The following ADAM19 variants were observed in gnomAD, a reference collection of about 807,000 sequenced individuals.
The protein encoded by ADAM19 is disintegrin and metalloproteinase domain-containing protein 19.
A neutral mutation model predicts 114.7 loss-of-function variants in ADAM19; 65 were observed. The observed-to-expected ratio is 0.57, with a 90% confidence interval of 0.46 to 0.70. The LOEUF is 0.70. ADAM19 is among the 30% of genes least tolerant of loss of function. ADAM19 has a pLI of 0.00. For missense variants in ADAM19, 1,063 were observed against 1,204.7 expected (o/e 0.88, Z 1.74); for synonymous variants, 466 against 460.5 (o/e 1.01, Z -0.15).
At chr5:157,537,175 C>A (rs112169621) in intron 4 of ADAM19, among the ~76,000 whole-genome samples, 1 of 152,174 alleles carries the variant, frequency 6.6e-6, no homozygotes, top group Non-Finnish European at 1.5e-5. Context: ...GTCGGGGCAA[C>A]GCCATTGGTT....
intron 5 of ADAM19, among the ~76,000 whole-genome samples, chr5:157,524,421 A>G (rs1482004271): frequency 6.6e-6 from 1 of 152,232 alleles, no homozygotes; most frequent in Non-Finnish European, 1.5e-5. Flanking sequence ...GCAGGCACCA[A>G]GCAATTCATG....
chr5:157,564,118 C>T (rs1186384654), intron 3 of ADAM19, among the ~76,000 whole-genome samples: 1 of 152,222 alleles, frequency 6.6e-6, no homozygotes, highest in African/African-American at 2.4e-5. Flanking sequence ...TCTGTGTGCC[C>T]GCAGTGAACT....
intron 3 of ADAM19, among the ~76,000 whole-genome samples, chr5:157,546,099 C>T (rs1757040767): frequency 6.6e-6 from 1 of 152,240 alleles, no homozygotes; most frequent in African/African-American, 2.4e-5. Context: ...AGGTTTCCTG[C>T]CCCTCTCCTG....
chr5:157,559,074 T>C (rs1434006429), intron 3 of ADAM19, among the ~76,000 whole-genome samples: 1 of 152,224 alleles, frequency 6.6e-6, no homozygotes, highest in Non-Finnish European at 1.5e-5. Flanking sequence ...GAAGTAATGA[T>C]AGGTATTAAA....
At chr5:157,544,996 GA>G (rs1757010001) in intron 3 of ADAM19, among the ~76,000 whole-genome samples, 1 of 152,110 alleles carries the variant, frequency 6.6e-6, no homozygotes, top group African/African-American at 2.4e-5. Context: ...AATATGCTTA[GA>G]AAAAAGGGAA....
At chr5:157,498,924 T>C (rs1299123491) in intron 13 of ADAM19, among the ~76,000 whole-genome samples, 1 of 151,930 alleles carries the variant, frequency 6.6e-6, no homozygotes, top group Non-Finnish European at 1.5e-5. Context: ...TGTGTTTACA[T>C]TTTTTTTCAG....
At chr5:157,497,695 T>C (rs1356121325) in intron 13 of ADAM19, among the ~76,000 whole-genome samples, 2 of 152,156 alleles carry the variant, frequency 1.3e-5, no homozygotes, top group African/African-American at 4.8e-5. Context: ...GTGTGTGACA[T>C]ACACGTATCT....
chr5:157,523,367 A>G (rs1010989866), intron 5 of ADAM19, among the ~76,000 whole-genome samples: 5 of 152,134 alleles, frequency 3.3e-5, no homozygotes, highest in Non-Finnish European at 7.4e-5. Flanking sequence ...CTCACGGTAG[A>G]ATGTGGTCCC....
intron 3 of ADAM19, 103 bp downstream of exon 3, chr5:157,564,270 G>T: frequency 9.6e-7 from 1 of 1,036,490 alleles, no homozygotes; most frequent in Non-Finnish European, 1.5e-6. Flanking sequence ...TGAGAGCTTG[G>T]GGTCACTCCA....
At position 157,519,891 on chromosome 5, in the gene ADAM19, G is replaced by A. The variant is rs780694440; in HGVS notation, c.548C>T (p.Thr183Ile). 4.3e-6 allele frequency: 7 copies of A among 1,614,112 alleles called. No homozygotes were observed. Among genetic ancestry groups the A allele is most frequent in the Non-Finnish European group, 5.9e-6 (7 of 1,180,012 alleles). The change falls in exon 6 of 23, where the codon ACC (threonine) becomes ATC (isoleucine). Residue 183 changes from threonine to isoleucine, a missense_variant. Thr to Ile is a moderately conservative substitution (Grantham distance 89, BLOSUM62 -1). Transcript: ENST00000257527. ...NCGFEHSKPT[T>I]RDWALQFTQQ... The stretch of plus-strand genomic sequence containing the variant: ...TGTAAACTGAAGAGCCCAGTCCCTG[G>A]TGGTGGGCTTGGAGTGCTCGAACCC...
chr5:157,510,483 A>T (rs188824447), intron 8 of ADAM19, among the ~76,000 whole-genome samples: 175 of 152,370 alleles, frequency 1.1e-3, no homozygotes, highest in Middle Eastern at 6.8e-3. Context: ...AAAAAAAAAT[A>T]AAAATAAAAT....
rs539762694 is a variant in ADAM19, at chr5:157,575,241, C to T, written c.94+362G>A. 2.6e-5 allele frequency among the ~76,000 whole-genome samples: 4 copies of T among 152,260 alleles called. No individual in the cohort carries two copies. The South Asian group carries it at 8.3e-4, about 32-fold the overall frequency. The stretch of plus-strand genomic sequence containing the variant: ...GTGCAGCGGGCGGTAGAGAGAAAGA[C>T]AGAGAGAGAGGCGGAGCGGACACGA... On this transcript the variant is annotated intron_variant, in intron 1 of 22. Coordinates refer to ENST00000257527, the MANE Select transcript of ADAM19 (RefSeq NM_033274.5).
At chr5:157,491,467 C>A in intron 18 of ADAM19, 148 bp downstream of exon 18, 1 of 589,294 alleles carries the variant, frequency 1.7e-6, no homozygotes, top group Non-Finnish European at 2.8e-6. Context: ...TCGCTCCTCT[C>A]TCTTGGTCTG....
rs1449155904 is a variant in ADAM19 at position 157,478,341 on chromosome 5, G to C, written c.*2608C>G. On this transcript the variant is annotated 3_prime_UTR_variant, in exon 23 of 23. Transcript: ENST00000257527. Reference sequence around the variant, plus strand: ...CTGGGCACAACGTCATTCCCTGAACGTGGTTCTTTCTAGCCATGTTTACTT... The same window carrying C: ...CTGGGCACAACGTCATTCCCTGAACCTGGTTCTTTCTAGCCATGTTTACTT... 6.0e-5 allele frequency: 9 copies of C among 150,568 alleles called. No homozygotes were observed. The Admixed American group carries it at 6.0e-4, about 10-fold the overall frequency. The allele number at this position is 150,568 out of a possible 1,614,324, so 9.3% of individuals were successfully genotyped here. A position where few individuals can be genotyped will look rare whatever the true frequency, so the allele number is the denominator to read the frequency against.
chr5:157,537,682 C>T (rs1186850569), intron 4 of ADAM19, among the ~76,000 whole-genome samples: 1 of 152,194 alleles, frequency 6.6e-6, no homozygotes, highest in Non-Finnish European at 1.5e-5. Context: ...TAATTAGATG[C>T]AATTACCCTA....
intron 8 of ADAM19, among the ~76,000 whole-genome samples, chr5:157,509,936 G>C (rs1375592440): frequency 6.6e-6 from 1 of 152,212 alleles, no homozygotes; most frequent in African/African-American, 2.4e-5. Flanking sequence ...AAACAAAGCT[G>C]GTCATGAGAT....
intron 2 of ADAM19, among the ~76,000 whole-genome samples, chr5:157,565,482 G>A (rs544194258): frequency 2.6e-4 from 40 of 152,006 alleles, no homozygotes; most frequent in African/African-American, 8.4e-4. Flanking sequence ...ACTTTGGGAG[G>A]CCGAGGCAGG....
chr5:157,573,572 C>T (rs1757890265), intron 1 of ADAM19, among the ~76,000 whole-genome samples: 4 of 151,972 alleles, frequency 2.6e-5, no homozygotes, highest in Admixed American at 2.6e-4. Context: ...ATGGTGAAAC[C>T]CCGTCTCTAC....
intron 2 of ADAM19, among the ~76,000 whole-genome samples, chr5:157,567,737 C>A (rs1431083919): frequency 6.6e-6 from 1 of 151,360 alleles, no homozygotes; most frequent in East Asian, 1.9e-4. Context: ...GCAGAGGTTG[C>A]GGTAAGCTGA....
Sources: gnomAD v4.1 joint callset for allele counts (sites outside exome capture counted in the v4.1 genomes callset) on GRCh38, gnomAD v4.1.1 for gene constraint, MANE v1.5 for transcripts, NCBI Gene and HGNC (gene_info 2026-07-23, HGNC 2026-07-21) for gene names.